The following NRDC variants were observed in gnomAD, a reference collection of about 807,000 sequenced individuals.
NRDC encodes nardilysin.
In NRDC, 54 loss-of-function variants were observed where a neutral mutation model predicts 147.1. That is an observed-to-expected ratio of 0.37 (90% CI 0.29 to 0.46). The LOEUF (loss-of-function observed/expected upper bound fraction) is 0.46, where lower values mean the gene tolerates loss of function less well. NRDC is among the 20% of genes least tolerant of loss of function. The pLI is 1.00. For missense variants in NRDC, 1,082 were observed against 1,370.6 expected, an observed-to-expected ratio of 0.79 and a Z score of 3.33; for synonymous variants, 440 against 482.1, an observed-to-expected ratio of 0.91 and a Z score of 1.14.
At chr1:51,833,305 A>T (rs1021870262) in intron 4 of NRDC, among the ~76,000 whole-genome samples, 4 of 152,110 alleles carry the variant, frequency 2.6e-5, no homozygotes, top group African/African-American at 9.7e-5. Flanking sequence ...CTACAAAAAA[A>T]TTTAAAAATT....
chr1:51,807,216 T>A (rs778783543), intron 17 of NRDC, among the ~76,000 whole-genome samples: 1 of 152,244 alleles, frequency 6.6e-6, no homozygotes, highest in African/African-American at 2.4e-5. Flanking sequence ...GATAGTTTCA[T>A]AAACCAATTT....
Position 51,804,027 on chromosome 1 carries a change from GCTT to G in NRDC, c.2163-66_2163-64del. 3 of 1,427,584 alleles carry G rather than the reference GCTT, an allele frequency of 2.1e-6. No individual in the cohort carries two copies. The South Asian group carries it at 4.2e-5, about 20-fold the overall frequency. 88.4% of individuals were successfully genotyped at this position (1,427,584 alleles called of 1,614,324 possible). A position where few individuals can be genotyped will look rare whatever the true frequency, so the allele number is the denominator to read the frequency against. On this transcript the variant is annotated intron_variant, in intron 19 of 30. Coordinates refer to ENST00000352171, the MANE Select transcript of NRDC (RefSeq NM_001101662.2). ...TAAGAAAGACACATGAAATAGATTT[GCTT>G]CAATTTAGAGTAAGCAGCTTCATTT...
chr1:51,793,999 A>G (rs1678771627), intron 24 of NRDC: 1 of 155,372 alleles, frequency 6.4e-6, no homozygotes, highest in African/African-American at 2.4e-5. Flanking sequence ...CCCAGCTGGT[A>G]CGACCTCAAG....
At chr1:51,798,148 TG>T in intron 22 of NRDC, 100 bp downstream of exon 22, 1 of 1,205,290 alleles carries the variant, frequency 8.3e-7, no homozygotes, top group Non-Finnish European at 1.2e-6. Flanking sequence ...ATGATAATGC[TG>T]GCCTGCCAAA....
chr1:51,852,217 C>T (rs1438523114), intron 1 of NRDC, among the ~76,000 whole-genome samples: 1 of 152,034 alleles, frequency 6.6e-6, no homozygotes, highest in Non-Finnish European at 1.5e-5. Context: ...TCTTTCGAGA[C>T]CTCATGTGTC....
In NRDC at chr1:51,789,549, G is replaced by GTTAGT; in HGVS notation, c.3258+14_3258+18dup. 1 of 1,602,578 alleles carries GTTAGT rather than the reference G, an allele frequency of 6.2e-7. No homozygotes were observed. Among genetic ancestry groups the GTTAGT allele is most frequent in the Admixed American group, 1.7e-5 (1 of 59,992 alleles). ...AAATGACAACCCTAGAATGGATGGA[G>GTTAGT]TTAGTTAAACATACTCACATGAACG... On this transcript the variant is annotated intron_variant, in intron 30 of 30. Transcript: ENST00000352171.
chr1:51,873,112 T>A (rs914717833), intron 1 of NRDC, among the ~76,000 whole-genome samples: 10 of 152,172 alleles, frequency 6.6e-5, no homozygotes, highest in Non-Finnish European at 1.2e-4. Context: ...GCATTACGGT[T>A]CCAGGAGTTT....
At chr1:51,794,794 A>G (rs1311290183) in intron 23 of NRDC, 29 bp downstream of exon 23, 1 of 1,613,214 alleles carries the variant, frequency 6.2e-7, no homozygotes. Flanking sequence ...AAGAACACAT[A>G]ACCCCAAAGA....
chr1:51,828,686 T>A (rs994594097), intron 4 of NRDC, among the ~76,000 whole-genome samples: 1 of 150,856 alleles, frequency 6.6e-6, no homozygotes, highest in African/African-American at 2.4e-5. Flanking sequence ...TAGAATGATT[T>A]AAAAAATTAA....
intron 6 of NRDC, 54 bp from the exon 7 acceptor site, chr1:51,823,840 T>A: frequency 7.6e-7 from 1 of 1,310,894 alleles, no homozygotes; most frequent in Non-Finnish European, 1.1e-6. Context: ...TTGTTAAAAG[T>A]CTTCTACATC....
At chr1:51,854,495 G>A (rs1682139823) in intron 1 of NRDC, among the ~76,000 whole-genome samples, 1 of 152,246 alleles carries the variant, frequency 6.6e-6, no homozygotes, top group African/African-American at 2.4e-5. Context: ...GACAAAAGAT[G>A]GGGAATTGAG....
intron 15 of NRDC, among the ~76,000 whole-genome samples, chr1:51,811,369 T>A (rs2149200892): frequency 6.6e-6 from 1 of 152,292 alleles, no homozygotes; most frequent in Admixed American, 6.5e-5. Context: ...ACCCACTGGA[T>A]CCCAGGAGCA....
At chr1:51,846,714 C>G (rs992363889) in intron 1 of NRDC, among the ~76,000 whole-genome samples, 8 of 152,236 alleles carry the variant, frequency 5.3e-5, no homozygotes, top group African/African-American at 1.9e-4. Context: ...TTATCGCCAA[C>G]AGCGATGGAA....
intron 1 of NRDC, among the ~76,000 whole-genome samples, chr1:51,844,633 G>C (rs144823221): frequency 6.7e-4 from 102 of 151,826 alleles, no homozygotes; most frequent in African/African-American, 2.3e-3. Flanking sequence ...GTCTGTCTCA[G>C]CTACTCGGGA....
intron 15 of NRDC, among the ~76,000 whole-genome samples, chr1:51,811,747 TTGAAAA>T (rs1471086587): frequency 6.6e-6 from 1 of 152,192 alleles, no homozygotes; most frequent in Non-Finnish European, 1.5e-5. Flanking sequence ...GTTTCAACAT[TTGAAAA>T]TTATTAAAAT....
At chr1:51,794,753 C>T in intron 23 of NRDC, 70 bp downstream of exon 23, 1 of 1,589,934 alleles carries the variant, frequency 6.3e-7, no homozygotes, top group Admixed American at 1.7e-5. Flanking sequence ...TAACAATTAA[C>T]TGAATTGTGG....
intron 1 of NRDC, among the ~76,000 whole-genome samples, chr1:51,872,185 T>C (rs1031692423): frequency 6.6e-6 from 1 of 151,880 alleles, no homozygotes; most frequent in African/African-American, 2.4e-5. Context: ...AAACAGAGAG[T>C]TTTTTGTTCT....
intron 1 of NRDC, among the ~76,000 whole-genome samples, chr1:51,849,115 G>A (rs923160766): frequency 7.2e-5 from 11 of 152,140 alleles, no homozygotes; most frequent in East Asian, 1.9e-4. Context: ...GGCCGGATGC[G>A]GTGGCTCACG....
In NRDC at chr1:51,851,227, C is replaced by T. The variant is rs142728391; in HGVS notation, c.342-10713G>A. On this transcript the variant is annotated intron_variant, in intron 1 of 30. Coordinates refer to ENST00000352171, the MANE Select transcript of NRDC (RefSeq NM_001101662.2). ...TGTGTGATAGCCCCATAGTATTTTT[C>T]CTTTCAGCAGGAAATCCAGCCTTGC... 7.5e-3 allele frequency among the ~76,000 whole-genome samples: 1,145 copies of T among 152,194 alleles called. 12 individuals carry two copies. The highest frequency in any genetic ancestry group is 0.015 in the Admixed American group (232 of 15,282).
Sources: allele counts gnomAD v4.1 joint callset (sites outside exome capture counted in the v4.1 genomes callset), GRCh38; gene constraint gnomAD v4.1.1; transcripts MANE v1.5; gene names NCBI Gene and HGNC (gene_info 2026-07-23, HGNC 2026-07-21).